The following CUTC variants were observed in gnomAD, a reference collection of about 807,000 sequenced individuals.
CUTC encodes cutC copper transporter.
A neutral mutation model predicts 36.2 loss-of-function variants in CUTC; 27 were observed. The ratio of observed to expected loss-of-function variants is 0.75; its 90% CI spans 0.55 to 1.03. CUTC has a LOEUF of 1.03. Ranked by LOEUF, CUTC falls within the 50% of genes least tolerant of loss-of-function variation. CUTC has a pLI of 0.00. For synonymous variants in CUTC, 114 were observed against 118.3 expected (o/e 0.96, Z 0.24); for missense variants, 315 against 343.5 (o/e 0.92, Z 0.66).
chr10:99,753,030 C>T (rs918406987), intron 7 of CUTC, among the ~76,000 whole-genome samples: 1 of 152,078 alleles, frequency 6.6e-6, no homozygotes, highest in Admixed American at 6.6e-5. Context: ...AAACCTACAA[C>T]ATATTTAGGC....
chr10:99,733,884 T>C (rs1025534238), intron 1 of CUTC, among the ~76,000 whole-genome samples: 3 of 152,106 alleles, frequency 2.0e-5, no homozygotes, highest in Non-Finnish European at 2.9e-5. Context: ...CATCTTCTCC[T>C]GCCTAGGGTC....
intron 2 of CUTC, among the ~76,000 whole-genome samples, chr10:99,737,176 G>A (rs1011714452): frequency 2.0e-5 from 3 of 151,780 alleles, no homozygotes; most frequent in African/African-American, 4.8e-5. Flanking sequence ...AGGCTAAGGT[G>A]GGAGGATCAC....
At chr10:99,733,076 A>G (rs2006077) in intron 1 of CUTC, among the ~76,000 whole-genome samples, 2 of 151,934 alleles carry the variant, frequency 1.3e-5, no homozygotes, top group African/African-American at 4.8e-5. Flanking sequence ...TGGGAGGCCG[A>G]GGGGGACAGA....
Position 99,747,376 on chromosome 10 carries a change from C to T in CUTC, c.559C>T (p.Arg187Ter), listed in dbSNP as rs370282748. 1.4e-5 allele frequency: 23 copies of T among 1,614,046 alleles called. No individual in the cohort carries two copies. Among genetic ancestry groups the T allele is most frequent in the East Asian group, 4.5e-5 (2 of 44,890 alleles). The change falls in exon 6 of 9, where the codon CGA becomes TGA. Residue 187 changes from arginine to a stop codon, truncating the protein, a stop_gained. Transcript: ENST00000370476. LOFTEE classifies it high-confidence loss of function. Reference protein sequence around the residue: ...SALEGLPLIKRLIEQAKGRIV... With the variant: ...SALEGLPLIK Reference sequence around the variant, plus strand: ...ATTAGAAGGGCTACCCCTAATAAAGCGACTCATTGAGCAGGTACGTGGACT... The same window carrying T: ...ATTAGAAGGGCTACCCCTAATAAAGTGACTCATTGAGCAGGTACGTGGACT...
intron 8 of CUTC, among the ~76,000 whole-genome samples, chr10:99,755,201 T>C (rs1290329185): frequency 1.3e-5 from 2 of 152,030 alleles, no homozygotes; most frequent in African/African-American, 4.8e-5. Flanking sequence ...AGAAGCAAGA[T>C]GGCTGGCTGG....
chr10:99,735,703 C>T (rs921670571), intron 1 of CUTC, among the ~76,000 whole-genome samples: 1 of 152,160 alleles, frequency 6.6e-6, no homozygotes, highest in Admixed American at 6.5e-5. Flanking sequence ...CCATCACACC[C>T]GGCCAGATAA....
intron 2 of CUTC, among the ~76,000 whole-genome samples, chr10:99,737,131 G>A (rs944140574): frequency 3.3e-5 from 5 of 151,974 alleles, no homozygotes; most frequent in South Asian, 2.1e-4. Flanking sequence ...TTAGCCAAGC[G>A]TGGTGGTGAG....
At chr10:99,746,655 G>T (rs1445656921) in intron 5 of CUTC, among the ~76,000 whole-genome samples, 1 of 152,118 alleles carries the variant, frequency 6.6e-6, no homozygotes, top group African/African-American at 2.4e-5. Context: ...ACAGTGGTAT[G>T]TAGACTGTGG....
chr10:99,748,008 GTAGAGCAC>G (rs1474993964), intron 6 of CUTC, among the ~76,000 whole-genome samples: 2 of 152,184 alleles, frequency 1.3e-5, no homozygotes, highest in East Asian at 3.8e-4. Flanking sequence ...AGCATCATTT[GTAGAGCAC>G]TCAGAAGGTG....
chr10:99,743,627 C>T (rs1824689212), intron 4 of CUTC, among the ~76,000 whole-genome samples: 1 of 152,114 alleles, frequency 6.6e-6, no homozygotes, highest in African/African-American at 2.4e-5. Context: ...TACCATGGTT[C>T]CTTTAACCAC....
At chr10:99,733,303 C>A (rs371691613) in intron 1 of CUTC, among the ~76,000 whole-genome samples, 98 of 147,578 alleles carry the variant, frequency 6.6e-4, no homozygotes, top group African/African-American at 2.4e-3. Flanking sequence ...AGCGAGACTC[C>A]GTCTCAAAAA....
In CUTC at chr10:99,754,625, T is replaced by A; in HGVS notation, c.698T>A (p.Met233Lys). 1.9e-6 allele frequency: 3 copies of A among 1,607,968 alleles called. No individual in the cohort carries two copies. The highest frequency in any genetic ancestry group is 2.6e-6 in the Non-Finnish European group (3 of 1,175,310). Residue 233 changes from methionine to lysine, a missense_variant, in exon 8 of 9, where the codon ATG becomes AAG. Physicochemically the swap from Met to Lys is moderately conservative, Grantham distance 95. Transcript: ENST00000370476. ...CSARSTRDSG[M>K]KFRNSSVAMG... ...GCTCGGTCTACTAGAGACTCGGGAA[T>A]GAAGTTTCGGTAAAAATGTATTCTT...
At chr10:99,755,531 C>T in intron 8 of CUTC, 94 bp from the exon 9 acceptor site, 1 of 754,072 alleles carries the variant, frequency 1.3e-6, no homozygotes, top group Non-Finnish European at 2.3e-6. Flanking sequence ...ACTTGACCTA[C>T]CCTTGTATCA....
rs536581483 is a variant in CUTC, at chr10:99,746,930, C to G, written c.440-327C>G. ...GGGACTATAGGTGCACACCACCATGCCCAGATAATTTTTGTATTGTAGATA... is the reference window on the plus strand; with the variant it reads ...GGGACTATAGGTGCACACCACCATGGCCAGATAATTTTTGTATTGTAGATA... On this transcript the variant is annotated intron_variant, in intron 5 of 8. Coordinates refer to ENST00000370476, the MANE Select transcript of CUTC (RefSeq NM_015960.3). Among the ~76,000 whole-genome samples, 5 of 152,240 alleles carry G rather than the reference C, an allele frequency of 3.3e-5. No individual in the cohort carries two copies. In the East Asian group the frequency reaches 9.7e-4, roughly 29 times the overall value.
At chr10:99,738,391 T>G (rs544223021) in intron 2 of CUTC, among the ~76,000 whole-genome samples, 173 of 141,622 alleles carry the variant, frequency 1.2e-3, no homozygotes, top group African/African-American at 3.6e-3. Flanking sequence ...TCATACAGGG[T>G]GTGTGTGTGT....
chr10:99,736,743 T>TA (rs1220539395), intron 2 of CUTC, among the ~76,000 whole-genome samples: 2 of 151,728 alleles, frequency 1.3e-5, no homozygotes, highest in Non-Finnish European at 2.9e-5. Flanking sequence ...TCAGAAAAAT[T>TA]AAAAAAAAAT....
rs765473294 is a variant in CUTC at position 99,739,751 on chromosome 10, G to T, written c.175G>T (p.Gly59Ter). Residue 59 changes from glycine (G) to a stop codon, truncating the protein, a stop_gained, in exon 3 of 9, where the codon GGA becomes TGA. Coordinates refer to ENST00000370476, the MANE Select transcript of CUTC (RefSeq NM_015960.3). LOFTEE classifies it high-confidence loss of function. ...ATTATGTTCTGGTTTATCAGAGGGG[G>T]GAACTACACCCAGCATGGGTAAGTG... ...IELCSGLSEGGTTPSMGVLQV... is the reference protein window; with the variant it reads ...IELCSGLSEG 5.6e-6 allele frequency: 9 copies of T among 1,610,776 alleles called. No individual in the cohort carries two copies. Among genetic ancestry groups the T allele is most frequent in the Non-Finnish European group, 7.6e-6 (9 of 1,178,784 alleles).
At chr10:99,738,386 C>T (rs1268720956) in intron 2 of CUTC, among the ~76,000 whole-genome samples, 1 of 93,608 alleles carries the variant, frequency 1.1e-5, no homozygotes, top group African/African-American at 4.1e-5. Context: ...TTGACTCATA[C>T]AGGGTGTGTG....
At chr10:99,747,731 G>A (rs1419472756) in intron 6 of CUTC, among the ~76,000 whole-genome samples, 1 of 151,962 alleles carries the variant, frequency 6.6e-6, no homozygotes, top group East Asian at 1.9e-4. Flanking sequence ...GTGTTGCCCA[G>A]GCTGGTCTCG....
Sources: allele counts gnomAD v4.1 joint callset (sites outside exome capture counted in the v4.1 genomes callset), GRCh38; gene constraint gnomAD v4.1.1; transcripts MANE v1.5; gene names NCBI Gene and HGNC (gene_info 2026-07-23, HGNC 2026-07-21).